Variants in LDLRAD4 observed in about 807,000 individuals in gnomAD.
LDLRAD4 encodes the protein low-density lipoprotein receptor class A domain-containing protein 4.
In LDLRAD4, 5 loss-of-function variants were observed where a neutral mutation model predicts 17.0. The observed-to-expected ratio is 0.29, with a 90% CI of 0.15 to 0.62. LDLRAD4 has a LOEUF of 0.62. Among genes scored for constraint, LDLRAD4 ranks in the 20% least tolerant of loss-of-function variants. LDLRAD4 has a pLI of 0.84. For synonymous variants in LDLRAD4, 168 were observed against 171.8 expected (o/e 0.98, Z 0.17); for missense variants, 340 against 424.7 (o/e 0.80, Z 1.75).
chr18:13,244,561 A>G (rs2145733859), intron 1 of LDLRAD4, among the ~76,000 whole-genome samples: 1 of 152,364 alleles, frequency 6.6e-6, no homozygotes, highest in South Asian at 2.1e-4. Flanking sequence ...TTGTTATTAT[A>G]ATTACGAATG....
intron 3 of LDLRAD4, among the ~76,000 whole-genome samples, chr18:13,595,859 T>G (rs1432891012): frequency 6.6e-6 from 1 of 152,224 alleles, no homozygotes; most frequent in Non-Finnish European, 1.5e-5. Flanking sequence ...ACTAGAGTGT[T>G]CTATAGAGGT....
chr18:13,511,511 CAAAAT>C (rs1448081164), intron 3 of LDLRAD4, among the ~76,000 whole-genome samples: 5 of 151,986 alleles, frequency 3.3e-5, no homozygotes, highest in African/African-American at 1.2e-4. Context: ...GACTCCGTCT[CAAAAT>C]AAATAAATAG....
intron 3 of LDLRAD4, among the ~76,000 whole-genome samples, chr18:13,455,564 C>T (rs866448849): frequency 6.6e-5 from 10 of 152,182 alleles, no homozygotes; most frequent in East Asian, 5.8e-4. Context: ...ACAGCCTGGA[C>T]GGCTCTGAGG....
At chr18:13,562,797 G>A (rs559131203) in intron 3 of LDLRAD4, 6 of 152,374 alleles carry the variant, frequency 3.9e-5, no homozygotes, top group East Asian at 3.9e-4. Context: ...CTGGGCTGGC[G>A]CCTACCCCTC....
chr18:13,505,538 T>G (rs1485063386), intron 3 of LDLRAD4, among the ~76,000 whole-genome samples: 1 of 152,060 alleles, frequency 6.6e-6, no homozygotes, highest in East Asian at 1.9e-4. Context: ...CTAGTGACCT[T>G]GCCAGGCACG....
chr18:13,318,006 G>C (rs1439094873), intron 1 of LDLRAD4, among the ~76,000 whole-genome samples: 1 of 152,032 alleles, frequency 6.6e-6, no homozygotes, highest in African/African-American at 2.4e-5. Flanking sequence ...TTGTCTCTCT[G>C]TGTCATCTGG....
At position 13,621,856 on chromosome 18, in the gene LDLRAD4, G is replaced by A. The variant is rs972159377; in HGVS notation, c.336+585G>A. ...GTAGGGTTGTCGGCGGTGGGTTGTG[G>A]AGGGTGGGGTTGTGGAGGGTGGGGT... On this transcript the variant is annotated intron_variant, in intron 4 of 5. Transcript: ENST00000359446. This position sits in a 1 kb window ranked among gnomAD's most constrained non-coding sequence, Gnocchi z 5.5. Among the ~76,000 whole-genome samples the A allele has an allele frequency of 4.0e-5, 6 of 151,480 alleles. No individual in the cohort carries two copies. Among genetic ancestry groups the A allele is most frequent in the Middle Eastern group, 3.2e-3 (1 of 316 alleles).
intron 3 of LDLRAD4, among the ~76,000 whole-genome samples, chr18:13,458,504 G>C (rs1600477508): frequency 6.6e-6 from 1 of 152,174 alleles, no homozygotes; most frequent in Non-Finnish European, 1.5e-5. Flanking sequence ...GCAACTCTGC[G>C]CCTATTTTGA....
In LDLRAD4 at chr18:13,332,396, C is replaced by T. The variant is rs186293947; in HGVS notation, c.-383+54208C>T. Among the ~76,000 whole-genome samples, 627 of 152,276 alleles carry T rather than the reference C, an allele frequency of 4.1e-3. 2 individuals are homozygous for T. Among genetic ancestry groups the T allele is most frequent in the Non-Finnish European group, 3.9e-3 (262 of 68,022 alleles). On this transcript the variant is annotated intron_variant, in intron 1 of 5. Coordinates refer to ENST00000359446, the Ensembl canonical transcript of LDLRAD4. ...TGGTACATTTGTTACAATTAATGAG[C>T]CCATACTGAAACATCATCACTGAAA...
At chr18:13,219,383 A>C (rs2041323012) in intron 1 of LDLRAD4, among the ~76,000 whole-genome samples, 2 of 151,856 alleles carry the variant, frequency 1.3e-5, no homozygotes, top group African/African-American at 4.8e-5. Context: ...GATAATTTTG[A>C]TTTGCTTCTT....
chr18:13,397,230 G>A (rs1249289252), intron 2 of LDLRAD4, among the ~76,000 whole-genome samples: 2 of 151,948 alleles, frequency 1.3e-5, no homozygotes, highest in South Asian at 2.1e-4. Context: ...TGCAAGCTCC[G>A]CCTGCCTGGT....
chr18:13,381,981 G>C (rs1471388898), intron 1 of LDLRAD4, among the ~76,000 whole-genome samples: 1 of 152,242 alleles, frequency 6.6e-6, no homozygotes, highest in Non-Finnish European at 1.5e-5. Context: ...CTGGTGGGTA[G>C]AGTGGCCAGG....
At chr18:13,535,634 T>C (rs1039367087) in intron 3 of LDLRAD4, among the ~76,000 whole-genome samples, 1 of 152,228 alleles carries the variant, frequency 6.6e-6, no homozygotes, top group African/African-American at 2.4e-5. Context: ...TTAGCTGTTT[T>C]CAAAGATGAA....
chr18:13,639,350 C>T (rs2042332270), intron 4 of LDLRAD4, among the ~76,000 whole-genome samples: 1 of 152,250 alleles, frequency 6.6e-6, no homozygotes, highest in African/African-American at 2.4e-5. Flanking sequence ...CAGCTATCTG[C>T]ACTCTCTCAG....
intron 4 of LDLRAD4, among the ~76,000 whole-genome samples, chr18:13,629,429 G>A (rs2041468653): frequency 6.6e-6 from 1 of 152,220 alleles, no homozygotes; most frequent in South Asian, 2.1e-4. Flanking sequence ...ACTGACAGCT[G>A]TGCCTGGGAA....
chr18:13,512,469 G>A (rs1040472945), intron 3 of LDLRAD4, among the ~76,000 whole-genome samples: 1 of 152,022 alleles, frequency 6.6e-6, no homozygotes, highest in African/African-American at 2.4e-5. Flanking sequence ...TGTGGGTGTT[G>A]AGTTCTTTTC....
At chr18:13,609,196 T>G (rs2148692105) in intron 3 of LDLRAD4, among the ~76,000 whole-genome samples, 1 of 152,342 alleles carries the variant, frequency 6.6e-6, no homozygotes, top group South Asian at 2.1e-4. Flanking sequence ...GCTGCCATTT[T>G]CTCTGAATGA....
chr18:13,312,992 T>G (rs891635909), intron 1 of LDLRAD4, among the ~76,000 whole-genome samples: 2 of 152,206 alleles, frequency 1.3e-5, no homozygotes, highest in African/African-American at 4.8e-5. Context: ...GTGCTTTCCA[T>G]TTTTCTTCTT....
At chr18:13,472,120 G>C (rs562738768) in intron 3 of LDLRAD4, 16 of 152,248 alleles carry the variant, frequency 1.1e-4, no homozygotes, top group African/African-American at 3.9e-4. Context: ...GAGGGTGGAC[G>C]GGCCTGGCCG....
Sources: allele counts gnomAD v4.1 joint callset (sites outside exome capture counted in the v4.1 genomes callset), GRCh38; gene constraint gnomAD v4.1.1; non-coding constraint Gnocchi (gnomAD v3.1); transcripts MANE v1.5; gene names NCBI Gene and HGNC (gene_info 2026-07-23, HGNC 2026-07-21).